LRBA: variants seen among roughly 807,000 people sequenced by gnomAD.
LRBA encodes the protein lipopolysaccharide-responsive and beige-like anchor protein.
Under a neutral mutation model 330.0 loss-of-function variants are expected in LRBA, and 176 were observed. The ratio of observed to expected loss-of-function variants is 0.53; its 90% CI spans 0.47 to 0.60. The LOEUF (loss-of-function observed/expected upper bound fraction) is 0.60, where lower values mean the gene tolerates loss of function less well. Ranked by LOEUF, LRBA falls within the 20% of genes least tolerant of loss-of-function variation. The probability of loss-of-function intolerance (pLI) is 0.00; values close to 1 mark genes in which losing one functional copy is unlikely to be tolerated. For missense variants in LRBA, 3,259 were observed against 3,444.8 expected, an observed-to-expected ratio of 0.95 and a Z score of 1.35; for synonymous variants, 1,230 against 1,193.0, an observed-to-expected ratio of 1.03 and a Z score of -0.64.
intron 40 of LRBA, among the ~76,000 whole-genome samples, chr4:150,543,801 T>C (rs762934656): frequency 1.9e-4 from 29 of 152,180 alleles, no homozygotes; most frequent in Non-Finnish European, 2.6e-4. Flanking sequence ...TTTTGAAGTA[T>C]AGCATTTTAT....
At chr4:150,504,245 C>A (rs1466297691) in intron 40 of LRBA, among the ~76,000 whole-genome samples, 3 of 152,072 alleles carry the variant, frequency 2.0e-5, no homozygotes, top group Admixed American at 6.6e-5. Context: ...CAGAGAACGC[C>A]ACAAAGATAC....
intron 42 of LRBA, 114 bp from the exon 43 acceptor site, chr4:150,471,853 T>C (rs899303746): frequency 3.0e-5 from 19 of 642,580 alleles, no homozygotes; most frequent in Non-Finnish European, 4.7e-5. Context: ...TCTATTCATG[T>C]TAGACTAATG....
chr4:150,338,678 G>A (rs1411723158), intron 48 of LRBA, among the ~76,000 whole-genome samples: 2 of 152,058 alleles, frequency 1.3e-5, no homozygotes, highest in Non-Finnish European at 2.9e-5. Context: ...TTTTTTTAAA[G>A]GATTTGTAAC....
intron 47 of LRBA, among the ~76,000 whole-genome samples, chr4:150,379,805 G>C (rs1042274384): frequency 6.6e-6 from 1 of 151,916 alleles, no homozygotes; most frequent in Non-Finnish European, 1.5e-5. Context: ...TTATATTGCC[G>C]AGGCAGTATT....
intron 2 of LRBA, among the ~76,000 whole-genome samples, chr4:150,946,322 TA>T (rs553933235): frequency 9.2e-4 from 140 of 152,232 alleles, no homozygotes; most frequent in Non-Finnish European, 1.6e-3. Flanking sequence ...TATAGAACAA[TA>T]AATATTGTTT....
chr4:150,924,957 C>T (rs1733727674), intron 4 of LRBA, among the ~76,000 whole-genome samples: 1 of 151,918 alleles, frequency 6.6e-6, no homozygotes, highest in Non-Finnish European at 1.5e-5. Flanking sequence ...ACTGCTTGAG[C>T]TCAGGAGTTT....
intron 40 of LRBA, among the ~76,000 whole-genome samples, chr4:150,503,651 C>A (rs1430338495): frequency 6.6e-6 from 1 of 152,110 alleles, no homozygotes; most frequent in African/African-American, 2.4e-5. Flanking sequence ...AAAAACAGAG[C>A]AGAAAAACTG....
chr4:150,972,267 C>T (rs1347972003), intron 2 of LRBA, among the ~76,000 whole-genome samples: 1 of 151,908 alleles, frequency 6.6e-6, no homozygotes, highest in East Asian at 1.9e-4. Context: ...ACTATTTAAG[C>T]CAGTATTTAA....
In LRBA at chr4:151,014,773, T is replaced by G. The variant is rs1745243798; in HGVS notation, c.-131A>C. ...AACTTGTGGAGATACCCCAAAGCAG[T>G]TGATGTGGAAAGTCCTTGGCGTCGC... On this transcript the variant is annotated 5_prime_UTR_variant, in exon 2 of 57. Transcript: ENST00000651943. 1 of 620,152 alleles carries G rather than the reference T, an allele frequency of 1.6e-6. No homozygotes were observed. The highest frequency in any genetic ancestry group is 2.8e-5 in the East Asian group (1 of 36,254). The allele number at this position is 620,152 out of a possible 1,614,324, so 38.4% of individuals were successfully genotyped here.
In LRBA at chr4:150,892,404, AGTAAC is replaced by A. The variant is rs536316320; in HGVS notation, c.2165+643_2165+647del. Among the ~76,000 whole-genome samples, 16 of 152,282 alleles carry A rather than the reference AGTAAC, an allele frequency of 1.1e-4. No individual in the cohort carries two copies. In the South Asian group the frequency reaches 2.5e-3, roughly 24 times the overall value. On this transcript the variant is annotated intron_variant, in intron 17 of 56. Coordinates refer to ENST00000651943, the MANE Select transcript of LRBA (RefSeq NM_001364905.1). ...AAGAGTGGGTCCCTAATCCAATAGG[AGTAAC>A]GTCATTGTAAGAAGAGACACGAGAG...
At chr4:150,500,490 A>G (rs1241257909) in intron 40 of LRBA, among the ~76,000 whole-genome samples, 1 of 152,160 alleles carries the variant, frequency 6.6e-6, no homozygotes, top group Non-Finnish European at 1.5e-5. Context: ...AGACAGGAGA[A>G]TTCCTTGAAC....
In LRBA at chr4:150,695,399, T is replaced by A. The variant is rs185356398; in HGVS notation, c.5755-11682A>T. Among the ~76,000 whole-genome samples, 646 of 152,304 alleles carry A rather than the reference T, an allele frequency of 4.2e-3. 4 individuals are homozygous for A. The highest frequency in any genetic ancestry group is 0.015 in the African/African-American group (625 of 41,564). ...GTGCAGTGACATGATCACAACTCACTGCAGCCTCCATCTCCCAGGTTCACG... is the reference window on the plus strand; with the variant it reads ...GTGCAGTGACATGATCACAACTCACAGCAGCCTCCATCTCCCAGGTTCACG... On this transcript the variant is annotated intron_variant, in intron 36 of 56. Coordinates refer to ENST00000651943, the MANE Select transcript of LRBA (RefSeq NM_001364905.1).
At chr4:150,966,569 G>A (rs546191699) in intron 2 of LRBA, among the ~76,000 whole-genome samples, 42 of 146,346 alleles carry the variant, frequency 2.9e-4, no homozygotes, top group African/African-American at 8.7e-4. Context: ...CTCGTGATCC[G>A]CCCGCTTCGG....
chr4:150,937,638 T>C (rs1449118839), intron 2 of LRBA, among the ~76,000 whole-genome samples: 1 of 152,150 alleles, frequency 6.6e-6, no homozygotes, highest in Non-Finnish European at 1.5e-5. Context: ...CATATTTTAG[T>C]CTTGGCCTGA....
chr4:150,721,196 T>A (rs1728882909), intron 36 of LRBA: 2 of 507,678 alleles, frequency 3.9e-6, no homozygotes, highest in African/African-American at 2.0e-5. Flanking sequence ...CTGTGGAGCC[T>A]CTCCAAACAA....
chr4:150,372,411 A>G (rs1740473588), intron 47 of LRBA, among the ~76,000 whole-genome samples: 1 of 151,784 alleles, frequency 6.6e-6, no homozygotes, highest in African/African-American at 2.4e-5. Flanking sequence ...GGAGTTCAAG[A>G]CCAGCCTGAG....
At chr4:150,805,605 AGAAAG>A (rs138624886) in intron 33 of LRBA, among the ~76,000 whole-genome samples, 1,171 of 63,752 alleles carry the variant, frequency 0.018, 51 homozygotes, top group African/African-American at 0.071. Context: ...GGAAAGGAAA[AGAAAG>A]GAAAGGAAAG....
At chr4:150,652,742 T>C (rs989152763) in intron 37 of LRBA, among the ~76,000 whole-genome samples, 3 of 152,214 alleles carry the variant, frequency 2.0e-5, no homozygotes, top group Admixed American at 1.3e-4. Context: ...ATGGCACATC[T>C]CAGTTGAGAC....
chr4:150,434,973 A>AT (rs1194118132), intron 46 of LRBA, among the ~76,000 whole-genome samples: 1 of 147,540 alleles, frequency 6.8e-6, no homozygotes. Flanking sequence ...GAAAGGGAAA[A>AT]TAAAAAAAAC....
Sources: allele counts gnomAD v4.1 joint callset (sites outside exome capture counted in the v4.1 genomes callset), GRCh38; gene constraint gnomAD v4.1.1; transcripts MANE v1.5; gene names NCBI Gene and HGNC (gene_info 2026-07-23, HGNC 2026-07-21).